CACNB4: variants seen among roughly 807,000 people sequenced by gnomAD.
The protein encoded by CACNB4 is calcium voltage-gated channel auxiliary subunit beta 4.
In CACNB4, 32 loss-of-function variants were observed where a neutral mutation model predicts 71.2. That is an observed-to-expected ratio of 0.45 (90% CI 0.34 to 0.60). CACNB4 has a LOEUF of 0.60. Ranked by LOEUF, CACNB4 falls within the 20% of genes least tolerant of loss-of-function variation. CACNB4 has a pLI of 0.01. For synonymous variants in CACNB4, 231 were observed against 236.9 expected, an observed-to-expected ratio of 0.97 and a Z score of 0.23; for missense variants, 464 against 647.9, an observed-to-expected ratio of 0.72 and a Z score of 3.08.
At chr2:151,920,312 CTTCTTCTTTTTTTTTT>C (rs2099858657) in intron 2 of CACNB4, among the ~76,000 whole-genome samples, 1 of 112,044 alleles carries the variant, frequency 8.9e-6, no homozygotes, top group African/African-American at 3.5e-5. Context: ...TCTTCTTCTT[CTTCTTCTTTTTTTTTT>C]TTTTTTTTTT....
At chr2:151,896,144 C>T (rs1336926817) in intron 2 of CACNB4, among the ~76,000 whole-genome samples, 1 of 152,200 alleles carries the variant, frequency 6.6e-6, no homozygotes, top group Non-Finnish European at 1.5e-5. Flanking sequence ...CCACGCCCAG[C>T]CAACTGTGTT....
At chr2:152,040,065 T>C (rs1684796086) in intron 2 of CACNB4, among the ~76,000 whole-genome samples, 1 of 152,210 alleles carries the variant, frequency 6.6e-6, no homozygotes, top group Admixed American at 6.5e-5. Flanking sequence ...TGATAAGTGA[T>C]GGCCCCCAGT....
chr2:152,026,194 C>T (rs943864913), intron 2 of CACNB4, among the ~76,000 whole-genome samples: 8 of 152,150 alleles, frequency 5.3e-5, no homozygotes, highest in Non-Finnish European at 1.2e-4. Context: ...TGACCAAATC[C>T]CTTACAGACC....
At position 151,860,757 on chromosome 2, in the gene CACNB4, G is replaced by C; in HGVS notation, c.822C>G (p.Pro274=). ...AACGTTCAATTATTGCTCTCTTGCTGGGATTATTTAGGACAGACCTCTTAG... is the reference window on the plus strand; with the variant it reads ...AACGTTCAATTATTGCTCTCTTGCTCGGATTATTTAGGACAGACCTCTTAG... The part of the protein sequence containing the change: ...SLAKRSVLNN[P]SKRAIIERSN... Residue 274 remains proline, a synonymous_variant, in exon 10 of 14, where the codon CCC becomes CCG. Coordinates refer to ENST00000539935, the MANE Select transcript of CACNB4 (RefSeq NM_000726.5). 1.9e-6 allele frequency: 3 copies of C among 1,613,746 alleles called. No individual in the cohort carries two copies. The highest frequency in any genetic ancestry group is 2.5e-6 in the Non-Finnish European group (3 of 1,179,696).
chr2:151,853,241 A>G (rs1330282471), intron 12 of CACNB4: 2 of 490,144 alleles, frequency 4.1e-6, no homozygotes, highest in African/African-American at 2.0e-5. Context: ...CACTAAGTTC[A>G]TTTCTTATTA....
Position 151,880,901 on chromosome 2 carries a change from C to T in CACNB4, c.289G>A (p.Val97Met), listed in dbSNP as rs777372194. The T allele has an allele frequency of 1.4e-5, 22 of 1,612,626 alleles. No individual in the cohort carries two copies. Among genetic ancestry groups the T allele is most frequent in the East Asian group, 2.2e-5 (1 of 44,848 alleles). The change falls in exon 4 of 14, where the codon GTG becomes ATG. Residue 97 changes from valine (V) to methionine (M), a missense_variant. Physicochemically the swap from Val to Met is conservative, Grantham distance 21. This residue lies in a region of CACNB4 where 299 missense variants were observed against 471.7 expected (regional missense o/e 0.63). Transcript: ENST00000539935. ...RAKSKPVAFA[V>M]KTNVSYCGAL... ...CCGCAGTAGCTCACATTTGTCTTCACGGCAAATGCTACAGGTTTGGACTAG... is the reference window on the plus strand; with the variant it reads ...CCGCAGTAGCTCACATTTGTCTTCATGGCAAATGCTACAGGTTTGGACTAG...
At chr2:151,971,551 A>T (rs1460584233) in intron 2 of CACNB4, 1 of 702,964 alleles carries the variant, frequency 1.4e-6, no homozygotes, top group Non-Finnish European at 2.6e-6. Flanking sequence ...TTACAGCCAT[A>T]AATGCATTGG....
At chr2:152,001,267 G>A (rs1682384310) in intron 2 of CACNB4, among the ~76,000 whole-genome samples, 1 of 152,080 alleles carries the variant, frequency 6.6e-6, no homozygotes, top group Non-Finnish European at 1.5e-5. Context: ...GTGGTGGAAG[G>A]AGAGGGCAGC....
At chr2:152,059,356 G>A (rs1003803769) in intron 2 of CACNB4, among the ~76,000 whole-genome samples, 1 of 152,260 alleles carries the variant, frequency 6.6e-6, no homozygotes, top group Non-Finnish European at 1.5e-5. Context: ...AGCAGGGGCT[G>A]TACCCTGCAA....
intron 2 of CACNB4, among the ~76,000 whole-genome samples, chr2:152,054,695 G>T (rs905542728): frequency 2.0e-5 from 3 of 152,166 alleles, no homozygotes; most frequent in African/African-American, 7.2e-5. Flanking sequence ...CCTACCAGCA[G>T]TGTATGAGGA....
chr2:151,886,971 A>G (rs2460440), intron 2 of CACNB4, among the ~76,000 whole-genome samples: 140,674 of 152,218 alleles, frequency 0.92, 66,038 homozygotes, highest in East Asian at 1. Flanking sequence ...CCTGGGCCTG[A>G]CCACTGGAAG....
chr2:151,958,751 C>G (rs2099868931), intron 2 of CACNB4, among the ~76,000 whole-genome samples: 1 of 152,190 alleles, frequency 6.6e-6, no homozygotes, highest in Admixed American at 6.5e-5. Context: ...GACTCCCTGC[C>G]TGAATTCTTC....
chr2:151,918,260 C>A (rs964096987), intron 2 of CACNB4, among the ~76,000 whole-genome samples: 1 of 152,212 alleles, frequency 6.6e-6, no homozygotes. Context: ...ATCATTTGCT[C>A]AGTCAACAAG....
intron 2 of CACNB4, among the ~76,000 whole-genome samples, chr2:152,045,987 GTA>G (rs1279650020): frequency 6.6e-6 from 1 of 152,108 alleles, no homozygotes; most frequent in East Asian, 1.9e-4. Flanking sequence ...GGTCCTTAGA[GTA>G]ACTGAGAATC....
chr2:152,021,615 T>A (rs1175007185), intron 2 of CACNB4, among the ~76,000 whole-genome samples: 2 of 152,238 alleles, frequency 1.3e-5, no homozygotes, highest in Non-Finnish European at 2.9e-5. Flanking sequence ...TGACATTCAT[T>A]CTAAATAATA....
In CACNB4 at chr2:152,050,108, G is replaced by A. The variant is rs368437196; in HGVS notation, c.147+48222C>T. 1.4e-4 allele frequency among the ~76,000 whole-genome samples: 21 copies of A among 152,342 alleles called. No homozygotes were observed. The South Asian group carries it at 4.4e-3, about 32-fold the overall frequency. On this transcript the variant is annotated intron_variant, in intron 2 of 13. Coordinates refer to ENST00000539935, the MANE Select transcript of CACNB4 (RefSeq NM_000726.5). ...TGGGTGAAAGCCCCAGGTTTTTTGT[G>A]AAATACCATTATCACAGCTGCCCTG...
At chr2:151,958,703 C>A (rs1356186470) in intron 2 of CACNB4, among the ~76,000 whole-genome samples, 2 of 152,210 alleles carry the variant, frequency 1.3e-5, no homozygotes, top group Admixed American at 1.3e-4. Context: ...AGGCTTCCAT[C>A]AGCTCACACC....
chr2:151,893,850 AT>A (rs948205886), intron 2 of CACNB4, among the ~76,000 whole-genome samples: 1 of 152,226 alleles, frequency 6.6e-6, no homozygotes, highest in African/African-American at 2.4e-5. Context: ...TATCCTTCAT[AT>A]CCAAAGAACT....
chr2:152,074,238 C>T (rs1340992188), intron 2 of CACNB4, among the ~76,000 whole-genome samples: 1 of 151,848 alleles, frequency 6.6e-6, no homozygotes, highest in Admixed American at 6.6e-5. Flanking sequence ...CCACAGCTAC[C>T]ATCAGCACCC....
Sources: allele counts gnomAD v4.1 joint callset (sites outside exome capture counted in the v4.1 genomes callset), GRCh38; gene constraint gnomAD v4.1.1; regional missense constraint gnomAD v4.1.1; transcripts MANE v1.5; gene names NCBI Gene and HGNC (gene_info 2026-07-23, HGNC 2026-07-21).